The following CNTNAP2 variants were observed in gnomAD, a reference collection of about 807,000 sequenced individuals.
CNTNAP2 encodes the protein contactin associated protein 2.
In CNTNAP2, 98 loss-of-function variants were observed where a neutral mutation model predicts 155.2. That is an observed-to-expected ratio of 0.63 (90% CI 0.54 to 0.75). The LOEUF (loss-of-function observed/expected upper bound fraction) is 0.75. Ranked by LOEUF, CNTNAP2 falls within the 30% of genes least tolerant of loss-of-function variation. The pLI is 0.00. For synonymous variants in CNTNAP2, 651 were observed against 631.2 expected, an observed-to-expected ratio of 1.03 and a Z score of -0.47; for missense variants, 1,727 against 1,688.1, an observed-to-expected ratio of 1.02 and a Z score of -0.40.
intron 1 of CNTNAP2, among the ~76,000 whole-genome samples, chr7:146,379,787 A>G (rs1007948602): frequency 1.9e-4 from 29 of 152,172 alleles, no homozygotes; most frequent in Non-Finnish European, 2.5e-4. Context: ...ATGTGGGACG[A>G]TAATTTGGGT....
At chr7:146,378,393 ATGG>A (rs1795334352) in intron 1 of CNTNAP2, among the ~76,000 whole-genome samples, 2 of 152,124 alleles carry the variant, frequency 1.3e-5, no homozygotes, top group African/African-American at 4.8e-5. Context: ...GATGATGATG[ATGG>A]TGATGATGAT....
chr7:148,239,544 A>G (rs1196010580), intron 20 of CNTNAP2, among the ~76,000 whole-genome samples: 2 of 152,188 alleles, frequency 1.3e-5, no homozygotes, highest in African/African-American at 4.8e-5. Context: ...CAAAAACCTC[A>G]TGACCTCATT....
At chr7:147,110,683 T>C (rs1584849961) in intron 5 of CNTNAP2, among the ~76,000 whole-genome samples, 1 of 152,168 alleles carries the variant, frequency 6.6e-6, no homozygotes, top group Non-Finnish European at 1.5e-5. Flanking sequence ...GCTCCATCCA[T>C]GTGCCCGCAA....
At chr7:147,202,008 A>C (rs2116550889) in intron 8 of CNTNAP2, among the ~76,000 whole-genome samples, 1 of 152,210 alleles carries the variant, frequency 6.6e-6, no homozygotes, top group East Asian at 1.9e-4. Context: ...ATGTTAGCAT[A>C]TCTGTACCAA....
chr7:147,610,755 T>C (rs927784782), intron 12 of CNTNAP2, among the ~76,000 whole-genome samples: 3 of 152,108 alleles, frequency 2.0e-5, no homozygotes, highest in Non-Finnish European at 4.4e-5. Context: ...TTGGTTTGTT[T>C]TGAGATAGAG....
intron 16 of CNTNAP2, among the ~76,000 whole-genome samples, chr7:148,128,986 A>AT (rs148346744): frequency 0.02 from 3,007 of 152,168 alleles, 108 homozygotes; most frequent in African/African-American, 0.068. Context: ...ACCAGGAAGG[A>AT]TCTTCCATTT....
At chr7:147,780,489 C>A (rs1301689490) in intron 13 of CNTNAP2, among the ~76,000 whole-genome samples, 3 of 151,936 alleles carry the variant, frequency 2.0e-5, no homozygotes, top group Non-Finnish European at 4.4e-5. Flanking sequence ...CACAGAAAAT[C>A]CAAAATATAA....
chr7:146,687,125 A>G (rs1800614409), intron 1 of CNTNAP2, among the ~76,000 whole-genome samples: 1 of 152,178 alleles, frequency 6.6e-6, no homozygotes, highest in Admixed American at 6.5e-5. Flanking sequence ...TCATTTCTCA[A>G]CGGTTAAATG....
At chr7:147,814,370 G>A (rs936162238) in intron 13 of CNTNAP2, among the ~76,000 whole-genome samples, 1 of 152,010 alleles carries the variant, frequency 6.6e-6, no homozygotes, top group African/African-American at 2.4e-5. Context: ...TTTGCCTGTA[G>A]GACTGAACCT....
intron 3 of CNTNAP2, among the ~76,000 whole-genome samples, chr7:146,868,461 G>A (rs1795245421): frequency 6.6e-6 from 1 of 152,146 alleles, no homozygotes; most frequent in Non-Finnish European, 1.5e-5. Context: ...GAGGCCTCCA[G>A]CCTTATTCTT....
chr7:147,864,272 G>A (rs1418721988), intron 13 of CNTNAP2, among the ~76,000 whole-genome samples: 5 of 152,122 alleles, frequency 3.3e-5, no homozygotes, highest in Non-Finnish European at 5.9e-5. Flanking sequence ...CCTCTGTTCT[G>A]TTCCATTGGT....
chr7:146,340,718 T>C (rs1022997014), intron 1 of CNTNAP2, among the ~76,000 whole-genome samples: 6 of 152,188 alleles, frequency 3.9e-5, no homozygotes, highest in Non-Finnish European at 5.9e-5. Context: ...AAGATTCTTA[T>C]TTTATCTCCG....
intron 2 of CNTNAP2, among the ~76,000 whole-genome samples, chr7:146,780,419 G>A (rs1447111602): frequency 6.6e-6 from 1 of 151,906 alleles, no homozygotes; most frequent in African/African-American, 2.4e-5. Flanking sequence ...TCAATCTCCT[G>A]ACCTTGTGAT....
At chr7:147,593,559 C>T (rs557019135) in intron 12 of CNTNAP2, among the ~76,000 whole-genome samples, 67 of 152,084 alleles carry the variant, frequency 4.4e-4, no homozygotes, top group Middle Eastern at 3.4e-3. Context: ...TAAAAACCTC[C>T]ATTTCCTCAG....
At chr7:147,582,302 ATC>A (rs1181773745) in intron 12 of CNTNAP2, among the ~76,000 whole-genome samples, 3 of 152,104 alleles carry the variant, frequency 2.0e-5, no homozygotes, top group Admixed American at 2.0e-4. Flanking sequence ...CTAAAATGTA[ATC>A]TCTGTTTCAA....
intron 1 of CNTNAP2, among the ~76,000 whole-genome samples, chr7:146,568,940 T>G (rs1202473443): frequency 6.6e-6 from 1 of 152,042 alleles, no homozygotes; most frequent in African/African-American, 2.4e-5. Flanking sequence ...TGTCCCAAAG[T>G]CACGCAAATC....
chr7:147,946,654 G>A (rs1922886), intron 14 of CNTNAP2, among the ~76,000 whole-genome samples: 33,107 of 151,596 alleles, frequency 0.22, 3,863 homozygotes, highest in Middle Eastern at 0.32. Flanking sequence ...AGAAATAGTC[G>A]CTGAAGTCAA....
intron 8 of CNTNAP2, among the ~76,000 whole-genome samples, chr7:147,246,741 A>G (rs1407600620): frequency 6.6e-6 from 1 of 152,208 alleles, no homozygotes; most frequent in Non-Finnish European, 1.5e-5. Context: ...TTAAATGTAA[A>G]TCTCATCCTA....
chr7:146,465,927 A>G (rs1010387995), intron 1 of CNTNAP2, among the ~76,000 whole-genome samples: 5 of 151,990 alleles, frequency 3.3e-5, no homozygotes, highest in Non-Finnish European at 7.4e-5. Flanking sequence ...GTTGGAAATT[A>G]TTTTCTTTGC....
Sources: allele counts gnomAD v4.1 joint callset (sites outside exome capture counted in the v4.1 genomes callset), GRCh38; gene constraint gnomAD v4.1.1; transcripts MANE v1.5; gene names NCBI Gene and HGNC (gene_info 2026-07-23, HGNC 2026-07-21).